STRN: variants seen among roughly 807,000 people sequenced by gnomAD.
STRN encodes striatin, also known as protein phosphatase 2 regulatory subunit B'''alpha.
STRN carries 53 observed loss-of-function variants against 96.3 expected under a neutral mutation model. The ratio of observed to expected loss-of-function variants is 0.55; its 90% CI spans 0.44 to 0.69. The LOEUF (loss-of-function observed/expected upper bound fraction) is 0.69. STRN is among the 30% of genes least tolerant of loss of function. STRN has a pLI of 0.00. For missense variants in STRN, 987 were observed against 963.9 expected, an observed-to-expected ratio of 1.02 and a Z score of -0.32; for synonymous variants, 428 against 355.9, an observed-to-expected ratio of 1.20 and a Z score of -2.28.
At chr2:36,856,412 TA>T (rs1668343462) in intron 14 of STRN, among the ~76,000 whole-genome samples, 1 of 152,170 alleles carries the variant, frequency 6.6e-6, no homozygotes, top group Admixed American at 6.5e-5. Context: ...CATCAAGATA[TA>T]AATGAATAGA....
intron 6 of STRN, among the ~76,000 whole-genome samples, chr2:36,897,703 C>T (rs1411329627): frequency 1.3e-5 from 2 of 151,986 alleles, no homozygotes; most frequent in Non-Finnish European, 2.9e-5. Context: ...TCCCAAAGTG[C>T]TGGGATTACA....
chr2:36,922,755 T>C (rs1670295166), intron 2 of STRN, among the ~76,000 whole-genome samples: 1 of 152,174 alleles, frequency 6.6e-6, no homozygotes, highest in Non-Finnish European at 1.5e-5. Context: ...CTCTACTTCC[T>C]GCACCTTGTC....
intron 7 of STRN, among the ~76,000 whole-genome samples, chr2:36,891,936 T>G (rs1406864249): frequency 1.3e-5 from 2 of 152,184 alleles, no homozygotes; most frequent in African/African-American, 2.4e-5. Context: ...GCTTTAGAAC[T>G]CTTTCATTTT....
At chr2:36,958,110 G>C (rs940160180) in intron 1 of STRN, among the ~76,000 whole-genome samples, 14 of 151,736 alleles carry the variant, frequency 9.2e-5, no homozygotes, top group African/African-American at 3.4e-4. Flanking sequence ...AGTAGAGACG[G>C]GGTTTCACCA....
rs138614164 is a variant in STRN, at chr2:36,877,488, G to A, written c.1323+403C>T. Among the ~76,000 whole-genome samples the A allele has an allele frequency of 1.7e-3, 261 of 152,310 alleles. 3 individuals carry two copies. The highest frequency in any genetic ancestry group is 5.9e-3 in the African/African-American group (246 of 41,570). On this transcript the variant is annotated intron_variant, in intron 10 of 17. Coordinates refer to ENST00000263918, the MANE Select transcript of STRN (RefSeq NM_003162.4). Reference sequence around the variant, plus strand: ...GAAAACTGAACCAAGTTCTACACTTGTAAAGAAGTTTTACCATTGCCTTCA... The same window carrying A: ...GAAAACTGAACCAAGTTCTACACTTATAAAGAAGTTTTACCATTGCCTTCA...
chr2:36,861,339 A>G, intron 12 of STRN, 86 bp from the exon 13 acceptor site: 3 of 1,513,712 alleles, frequency 2.0e-6, no homozygotes. Flanking sequence ...ATGTTTAATT[A>G]CCCAAATGGC....
At chr2:36,857,020 T>C (rs1245708702) in intron 14 of STRN, among the ~76,000 whole-genome samples, 1 of 152,148 alleles carries the variant, frequency 6.6e-6, no homozygotes, top group Non-Finnish European at 1.5e-5. Context: ...AAACCTTTTT[T>C]TTTTTTAAAC....
chr2:36,859,190 G>C (rs1668418819), intron 13 of STRN, among the ~76,000 whole-genome samples: 1 of 152,146 alleles, frequency 6.6e-6, no homozygotes, highest in Non-Finnish European at 1.5e-5. Context: ...TCTGTCTCCA[G>C]GGGCAGCAGG....
intron 7 of STRN, among the ~76,000 whole-genome samples, chr2:36,887,794 T>A (rs1056473399): frequency 6.6e-6 from 1 of 152,210 alleles, no homozygotes; most frequent in African/African-American, 2.4e-5. Context: ...AGAAAATCAA[T>A]AATCAATTGT....
intron 1 of STRN, among the ~76,000 whole-genome samples, chr2:36,954,257 T>G (rs1389833843): frequency 1.3e-5 from 2 of 151,964 alleles, no homozygotes; most frequent in Non-Finnish European, 2.9e-5. Context: ...ACACCTATAA[T>G]CCCAGCACTG....
intron 7 of STRN, among the ~76,000 whole-genome samples, chr2:36,887,741 G>A (rs2148180088): frequency 6.6e-6 from 1 of 152,200 alleles, no homozygotes; most frequent in East Asian, 1.9e-4. Context: ...AATGATGTTA[G>A]TTTATAAATT....
At chr2:36,924,285 G>A (rs1464086771) in intron 2 of STRN, among the ~76,000 whole-genome samples, 1 of 150,944 alleles carries the variant, frequency 6.6e-6, no homozygotes, top group Non-Finnish European at 1.5e-5. Flanking sequence ...GAACCCGGGA[G>A]GTGGAGCTTG....
chr2:36,952,952 A>C (rs1254596657), intron 1 of STRN, among the ~76,000 whole-genome samples: 1 of 152,246 alleles, frequency 6.6e-6, no homozygotes, highest in Admixed American at 6.5e-5. Flanking sequence ...ATAAACAAAA[A>C]AGGAACAAAT....
At chr2:36,898,427 C>T (rs1187273229) in intron 6 of STRN, among the ~76,000 whole-genome samples, 1 of 152,174 alleles carries the variant, frequency 6.6e-6, no homozygotes, top group East Asian at 1.9e-4. Context: ...CAGGGCTTTA[C>T]CAGTAGAGTA....
At chr2:36,887,681 T>C (rs572683073) in intron 7 of STRN, among the ~76,000 whole-genome samples, 7 of 152,306 alleles carry the variant, frequency 4.6e-5, no homozygotes, top group East Asian at 1.9e-4. Flanking sequence ...GCTTAATACA[T>C]AGCATTTGAA....
chr2:36,846,047 A>C lies in STRN; in HGVS notation c.*3409T>G, dbSNP rs1225784364. 1 of 125,630 alleles carries C rather than the reference A, an allele frequency of 8.0e-6. No individual in the cohort carries two copies. 7.8% of individuals were successfully genotyped at this position (125,630 alleles called of 1,614,324 possible). ...AGGCTGCATTTTTTTTTTTAAAGGC[A>C]CCTCTCATTTTCTAGCTATTGCCTT... is the stretch of plus-strand genomic sequence containing the variant. On this transcript the variant is annotated 3_prime_UTR_variant, in exon 18 of 18. Transcript: ENST00000263918.
rs1668089257 is a variant in STRN at position 36,846,778 on chromosome 2, A to G, written c.*2678T>C. On this transcript the variant is annotated 3_prime_UTR_variant, in exon 18 of 18. Coordinates refer to ENST00000263918, the MANE Select transcript of STRN (RefSeq NM_003162.4). The stretch of plus-strand genomic sequence containing the variant: ...TAAATAATCTGTCTATGGTTTGAGT[A>G]GCAAATGAGCTCCATATGACAGTTG... 6.6e-6 allele frequency: 1 copy of G among 152,094 alleles called. No homozygotes were observed. Among genetic ancestry groups the G allele is most frequent in the South Asian group, 2.1e-4 (1 of 4,824 alleles). The allele number at this position is 152,094 out of a possible 1,614,324, so 9.4% of individuals were successfully genotyped here.
At chr2:36,959,738 G>A (rs560600430) in intron 1 of STRN, among the ~76,000 whole-genome samples, 1 of 152,290 alleles carries the variant, frequency 6.6e-6, no homozygotes, top group Admixed American at 6.5e-5. Flanking sequence ...TAATAAAAGT[G>A]TTGAAATCAC....
At chr2:36,871,761 G>C (rs916788380) in intron 10 of STRN, among the ~76,000 whole-genome samples, 1 of 152,132 alleles carries the variant, frequency 6.6e-6, no homozygotes, top group African/African-American at 2.4e-5. Flanking sequence ...TTACAGACTA[G>C]ACACATCAGG....
Sources: allele counts gnomAD v4.1 joint callset (sites outside exome capture counted in the v4.1 genomes callset), GRCh38; gene constraint gnomAD v4.1.1; transcripts MANE v1.5; gene names NCBI Gene and HGNC (gene_info 2026-07-23, HGNC 2026-07-21).